TEX9: variants seen among roughly 807,000 people sequenced by gnomAD.
TEX9 encodes the protein testis-expressed protein 9.
In TEX9, 74 loss-of-function variants were observed where a neutral mutation model predicts 59.6. That is an observed-to-expected ratio of 1.24 (90% CI 1.03 to 1.51). The LOEUF (loss-of-function observed/expected upper bound fraction) is 1.51, where lower values mean the gene tolerates loss of function less well. Ranked by LOEUF, TEX9 falls within the 40% of genes most tolerant of loss-of-function variation. The pLI is 0.00. For synonymous variants in TEX9, 186 were observed against 152.2 expected, an observed-to-expected ratio of 1.22 and a Z score of -1.64; for missense variants, 522 against 447.8, an observed-to-expected ratio of 1.17 and a Z score of -1.49.
At chr15:56,268,937 T>C (rs919363562) in intron 1 of TEX9, among the ~76,000 whole-genome samples, 11 of 152,298 alleles carry the variant, frequency 7.2e-5, no homozygotes, top group African/African-American at 2.4e-4. Context: ...AGAATTTGGC[T>C]GTGAATCCAT....
chr15:56,274,358 T>G (rs553436316), intron 1 of TEX9, among the ~76,000 whole-genome samples: 14 of 152,308 alleles, frequency 9.2e-5, no homozygotes, highest in African/African-American at 2.6e-4. Flanking sequence ...TGCTGTCTTT[T>G]TGTGCATGTT....
chr15:56,354,307 T>C (rs2046644028), intron 1 of TEX9, among the ~76,000 whole-genome samples: 1 of 152,188 alleles, frequency 6.6e-6, no homozygotes, highest in South Asian at 2.1e-4. Context: ...TCTTGTATAC[T>C]AACAAGTCTT....
At chr15:56,393,376 T>C (rs1215531463) in intron 7 of TEX9, among the ~76,000 whole-genome samples, 1 of 152,146 alleles carries the variant, frequency 6.6e-6, no homozygotes, top group Non-Finnish European at 1.5e-5. Flanking sequence ...TGGAAGTGTG[T>C]ATGGAGATGT....
At chr15:56,274,401 G>A (rs767797196) in intron 1 of TEX9, 30 of 152,082 alleles carry the variant, frequency 2.0e-4, no homozygotes, top group Non-Finnish European at 4.4e-4. Flanking sequence ...CATATTAATT[G>A]TAGTTATTTT....
At chr15:56,280,679 A>G (rs934281063) in intron 1 of TEX9, among the ~76,000 whole-genome samples, 4 of 152,258 alleles carry the variant, frequency 2.6e-5, no homozygotes, top group Admixed American at 6.5e-5. Context: ...ATCTCACAGA[A>G]TTGACTATAC....
At chr15:56,427,811 C>T (rs2050383215) in intron 11 of TEX9, 72 bp downstream of exon 11, 11 of 1,223,994 alleles carry the variant, frequency 9.0e-6, no homozygotes, top group South Asian at 2.0e-5. Flanking sequence ...GCATTTTTCA[C>T]TTTAGGTATG....
chr15:56,342,133 C>T (rs2046383793), intron 1 of TEX9, among the ~76,000 whole-genome samples: 1 of 152,146 alleles, frequency 6.6e-6, no homozygotes. Flanking sequence ...ATCACTCCTT[C>T]CTCTTCACTT....
intron 1 of TEX9, among the ~76,000 whole-genome samples, chr15:56,279,108 T>C (rs1231565222): frequency 6.6e-6 from 1 of 152,200 alleles, no homozygotes; most frequent in Non-Finnish European, 1.5e-5. Context: ...TTTTTAACTT[T>C]AACGGGAAAA....
chr15:56,336,469 A>G (rs1353998446), intron 1 of TEX9, among the ~76,000 whole-genome samples: 1 of 152,088 alleles, frequency 6.6e-6, no homozygotes, highest in African/African-American at 2.4e-5. Flanking sequence ...GTAATCTGCA[A>G]TCCGGAAGAG....
At chr15:56,318,128 A>C (rs1161663438) in intron 1 of TEX9, among the ~76,000 whole-genome samples, 2 of 151,992 alleles carry the variant, frequency 1.3e-5, no homozygotes, top group Non-Finnish European at 2.9e-5. Context: ...AATTCTCTCA[A>C]TCTTTGCTTT....
At chr15:56,270,994 T>G (rs948143213) in intron 1 of TEX9, among the ~76,000 whole-genome samples, 3 of 152,236 alleles carry the variant, frequency 2.0e-5, no homozygotes, top group African/African-American at 7.2e-5. Flanking sequence ...GAGTTTCTGC[T>G]GAGAGATCCG....
chr15:56,455,517 T>G, the TEX9 span, among the ~76,000 whole-genome samples: 1 of 152,298 alleles, frequency 6.6e-6, no homozygotes, highest in African/African-American at 2.4e-5. Context: ...TCTACAGACG[T>G]CCTGCTCAAT....
intron 1 of TEX9, among the ~76,000 whole-genome samples, chr15:56,268,970 T>C (rs1357942600): frequency 2.6e-5 from 4 of 152,168 alleles, no homozygotes; most frequent in Non-Finnish European, 5.9e-5. Flanking sequence ...TTTTTTTGGT[T>C]GGTAGGCTAT....
At chr15:56,345,223 G>A (rs1159785321) in intron 1 of TEX9, among the ~76,000 whole-genome samples, 1 of 151,832 alleles carries the variant, frequency 6.6e-6, no homozygotes, top group African/African-American at 2.4e-5. Context: ...TGGGGGTGGG[G>A]AAAGGAATGA....
intron 3 of TEX9, among the ~76,000 whole-genome samples, chr15:56,377,849 G>A (rs2047530356): frequency 6.6e-6 from 1 of 152,150 alleles, no homozygotes; most frequent in Admixed American, 6.5e-5. Context: ...GATACTAGCT[G>A]TGGGTCTGTC....
At chr15:56,442,011 C>G (rs970435104) in intron 12 of TEX9, among the ~76,000 whole-genome samples, 8 of 151,792 alleles carry the variant, frequency 5.3e-5, no homozygotes, top group African/African-American at 1.9e-4. Flanking sequence ...CAGAGCGAGA[C>G]TCCCATCTCA....
chr15:56,351,398 GAT>G (rs1287791267), intron 1 of TEX9, among the ~76,000 whole-genome samples: 1 of 152,150 alleles, frequency 6.6e-6, no homozygotes, highest in Admixed American at 6.5e-5. Context: ...CTTTAAAGAA[GAT>G]ATCTTATTGC....
intron 3 of TEX9, among the ~76,000 whole-genome samples, chr15:56,380,284 G>T (rs971282940): frequency 5.3e-5 from 8 of 152,050 alleles, no homozygotes; most frequent in Admixed American, 2.6e-4. Flanking sequence ...AAACAAACAT[G>T]CAAAAAGAAA....
At chr15:56,246,145 T>G (rs1319700779) in intron 1 of TEX9, among the ~76,000 whole-genome samples, 1 of 151,776 alleles carries the variant, frequency 6.6e-6, no homozygotes, top group Non-Finnish European at 1.5e-5. Context: ...CTTCTGAGAG[T>G]TTTTAATGGG....
Sources: allele counts gnomAD v4.1 joint callset (sites outside exome capture counted in the v4.1 genomes callset), GRCh38; gene constraint gnomAD v4.1.1; transcripts MANE v1.5; gene names NCBI Gene and HGNC (gene_info 2026-07-23, HGNC 2026-07-21).